Variants in PLB1 observed in about 807,000 individuals in gnomAD.
The protein encoded by PLB1 is phospholipase B1, membrane-associated.
PLB1 carries 242 observed loss-of-function variants against 227.4 expected under a neutral mutation model. The ratio of observed to expected loss-of-function variants is 1.06; its 90% CI spans 0.96 to 1.18. The LOEUF (loss-of-function observed/expected upper bound fraction) is 1.18, where lower values mean the gene tolerates loss of function less well. Among genes scored for constraint, PLB1 ranks in the 50% most tolerant of loss-of-function variants. The pLI is 0.00. For missense variants in PLB1, 1,858 were observed against 1,816.3 expected (o/e 1.02, Z -0.42); for synonymous variants, 757 against 682.2 (o/e 1.11, Z -1.71).
At chr2:28,545,963 C>A (rs1673192376) in intron 14 of PLB1, among the ~76,000 whole-genome samples, 2 of 152,172 alleles carry the variant, frequency 1.3e-5, no homozygotes, top group Non-Finnish European at 2.9e-5. Flanking sequence ...CTCTGCAGCC[C>A]ACAAAGCCAC....
intron 21 of PLB1, among the ~76,000 whole-genome samples, chr2:28,575,638 T>G (rs147111977): frequency 0.095 from 14,454 of 152,208 alleles, 788 homozygotes; most frequent in Non-Finnish European, 0.12. Context: ...TGGCGCGATC[T>G]CCACTCCCTG....
At chr2:28,535,628 G>T (rs1277020742) in intron 9 of PLB1, among the ~76,000 whole-genome samples, 1 of 152,098 alleles carries the variant, frequency 6.6e-6, no homozygotes, top group Non-Finnish European at 1.5e-5. Flanking sequence ...GTAAAAATGT[G>T]CTCTGTAGAT....
intron 39 of PLB1, among the ~76,000 whole-genome samples, 198 bp downstream of exon 39, chr2:28,603,119 G>T (rs1282075428): frequency 6.6e-6 from 1 of 152,192 alleles, no homozygotes; most frequent in Admixed American, 6.5e-5. Flanking sequence ...AAGGTGCCTG[G>T]CAGGAACTTC....
At chr2:28,589,111 G>C (rs1180178330) in intron 26 of PLB1, among the ~76,000 whole-genome samples, 1 of 152,070 alleles carries the variant, frequency 6.6e-6, no homozygotes, top group East Asian at 1.9e-4. Context: ...GTTGCAGTGA[G>C]CCAAGATCGC....
intron 1 of PLB1, among the ~76,000 whole-genome samples, chr2:28,499,566 A>T (rs1336788859): frequency 2.0e-5 from 3 of 148,262 alleles, no homozygotes; most frequent in African/African-American, 2.5e-5. Context: ...CAAAGATGGT[A>T]TTCTTATATT....
At chr2:28,564,858 C>T (rs1280638007) in intron 18 of PLB1, among the ~76,000 whole-genome samples, 1 of 12,576 alleles carries the variant, frequency 8.0e-5, no homozygotes, top group Non-Finnish European at 1.7e-4. Flanking sequence ...TTTATTACTA[C>T]ATTTTAAACT....
intron 17 of PLB1, among the ~76,000 whole-genome samples, chr2:28,558,892 CT>C (rs143046593): frequency 1.3e-5 from 2 of 152,110 alleles, no homozygotes; most frequent in South Asian, 4.2e-4. Context: ...CAACTCTAGT[CT>C]TTTTTTTCTT....
intron 16 of PLB1, among the ~76,000 whole-genome samples, chr2:28,552,405 G>T (rs1674396035): frequency 6.6e-6 from 1 of 152,232 alleles, no homozygotes; most frequent in South Asian, 2.1e-4. Context: ...ATGCTAGGGA[G>T]ATTGGACTTT....
At chr2:28,628,720 A>G in intron 52 of PLB1, 92 bp downstream of exon 52, 4 of 1,254,614 alleles carry the variant, frequency 3.2e-6, no homozygotes, top group South Asian at 1.2e-5. Flanking sequence ...CTCACGGAGC[A>G]GAGACCCGCC....
At chr2:28,534,444 G>A (rs987980103) in intron 9 of PLB1, among the ~76,000 whole-genome samples, 11 of 152,142 alleles carry the variant, frequency 7.2e-5, no homozygotes, top group African/African-American at 1.9e-4. Context: ...TAAAATCCTC[G>A]AGTTCATTGC....
At chr2:28,620,673 CTG>C (rs1348171442) in intron 48 of PLB1, 30 bp downstream of exon 48, 3 of 1,612,972 alleles carry the variant, frequency 1.9e-6, no homozygotes, top group Non-Finnish European at 2.5e-6. Context: ...GGCACCATCA[CTG>C]TGGCCGTCCT....
intron 42 of PLB1, 132 bp from the exon 43 acceptor site, chr2:28,606,364 G>C: frequency 1.2e-6 from 1 of 860,802 alleles, no homozygotes; most frequent in East Asian, 2.6e-5. Context: ...GCAACTGGCA[G>C]AGCCAGAAGT....
chr2:28,496,144 G>A lies in PLB1; in HGVS notation c.30G>A (p.Leu10=), dbSNP rs149582994. 8.8e-5 allele frequency: 142 copies of A among 1,613,992 alleles called. No individual in the cohort carries two copies. Among genetic ancestry groups the A allele is most frequent in the Non-Finnish European group, 1.2e-5 (14 of 1,180,008 alleles). The part of the protein sequence containing the change: MGLRPGIFL[L]ELLLLLGQGT... ...GGCTGCGGCCAGGCATTTTCCTCCT[G>A]GAGCTGCTGCTGCTTCTGGGGCAAG... Residue 10 remains leucine (L), a synonymous_variant, in exon 1 of 58, where the codon CTG becomes CTA. Coordinates refer to ENST00000327757, the MANE Select transcript of PLB1 (RefSeq NM_153021.5).
intron 1 of PLB1, among the ~76,000 whole-genome samples, chr2:28,500,625 C>T (rs1400070111): frequency 6.6e-6 from 1 of 152,004 alleles, no homozygotes; most frequent in Non-Finnish European, 1.5e-5. Flanking sequence ...TAACTGAACT[C>T]CCCCCTCCTT....
chr2:28,532,509 G>A (rs1345320846), intron 9 of PLB1, among the ~76,000 whole-genome samples: 1 of 152,182 alleles, frequency 6.6e-6, no homozygotes, highest in Non-Finnish European at 1.5e-5. Context: ...AGTGACATTA[G>A]ATAATTCATA....
In PLB1 at chr2:28,589,922, CTCCCGCACCCCTG is replaced by C. The variant is rs978312290; in HGVS notation, c.2017-82_2017-70del. Reference sequence around the variant, plus strand: ...CCCCATCTCCTTCATCCCTCCCTGCCTCCCGCACCCCTGACCTGCGTCCTGAGCTTTCCATTCT... The same window carrying C: ...CCCCATCTCCTTCATCCCTCCCTGCCACCTGCGTCCTGAGCTTTCCATTCT... On this transcript the variant is annotated intron_variant, in intron 28 of 57. Coordinates refer to ENST00000327757, the MANE Select transcript of PLB1 (RefSeq NM_153021.5). 11 of 1,408,610 alleles carry C rather than the reference CTCCCGCACCCCTG, an allele frequency of 7.8e-6. No individual in the cohort carries two copies. The African/African-American group carries it at 1.4e-4, about 18-fold the overall frequency. 87.3% of individuals were successfully genotyped at this position (1,408,610 alleles called of 1,614,324 possible).
chr2:28,598,725 A>C lies in PLB1; in HGVS notation c.2439A>C (p.Ala813=). Residue 813 remains alanine, a synonymous_variant, in exon 35 of 58, where the codon GCA becomes GCC. Transcript: ENST00000327757. ...CGGGTGATGCCAATGACACGAATGC[A>C]TTCCTCAATCAAGCTGTTCCCGGAG... ...VGTGDANDTN[A]FLNQAVPGAK... 6.2e-7 allele frequency: 1 copy of C among 1,614,254 alleles called. No homozygotes were observed. Among genetic ancestry groups the C allele is most frequent in the South Asian group, 1.1e-5 (1 of 91,088 alleles).
Position 28,626,725 on chromosome 2 carries a change from C to G in PLB1, c.3660+217C>G, listed in dbSNP as rs552665154. Reference sequence around the variant, plus strand: ...CTGGAAGAGCAGGTGCATTGGTTCCCCAATTCCAGAAGTAAGGCCAAGGTG... The same window carrying G: ...CTGGAAGAGCAGGTGCATTGGTTCCGCAATTCCAGAAGTAAGGCCAAGGTG... On this transcript the variant is annotated intron_variant, in intron 51 of 57. Coordinates refer to ENST00000327757, the MANE Select transcript of PLB1 (RefSeq NM_153021.5). Among the ~76,000 whole-genome samples, 22 of 152,274 alleles carry G rather than the reference C, an allele frequency of 1.4e-4. No homozygotes were observed. In the South Asian group the frequency reaches 2.7e-3, roughly 19 times the overall value.
intron 11 of PLB1, 73 bp downstream of exon 11, chr2:28,539,251 A>T: frequency 7.5e-7 from 1 of 1,327,012 alleles, no homozygotes; most frequent in South Asian, 1.2e-5. Context: ...GGGGCCCTTC[A>T]TGTGCCGTAA....
Sources: allele counts gnomAD v4.1 joint callset (sites outside exome capture counted in the v4.1 genomes callset), GRCh38; gene constraint gnomAD v4.1.1; transcripts MANE v1.5; gene names NCBI Gene and HGNC (gene_info 2026-07-23, HGNC 2026-07-21).